The following ZFAND4 variants were observed in gnomAD, a reference collection of about 807,000 sequenced individuals.
ZFAND4 encodes zinc finger AN1-type containing 4.
In ZFAND4, 43 loss-of-function variants were observed where a neutral mutation model predicts 64.4. The observed-to-expected ratio is 0.67, with a 90% CI of 0.52 to 0.86. ZFAND4 has a LOEUF of 0.86. Ranked by LOEUF, ZFAND4 falls within the 40% of genes least tolerant of loss-of-function variation. The pLI is 0.00. For synonymous variants in ZFAND4, 296 were observed against 305.7 expected, an observed-to-expected ratio of 0.97 and a Z score of 0.33; for missense variants, 929 against 859.8, an observed-to-expected ratio of 1.08 and a Z score of -1.01.
Position 45,618,159 on chromosome 10 carries a change from C to T in ZFAND4, c.2029G>A (p.Ala677Thr). The change falls in exon 9 of 10, where the codon GCT becomes ACT. Residue 677 changes from alanine (A) to threonine (T), a missense_variant. Physicochemically the swap from Ala to Thr is moderately conservative, Grantham distance 58. Coordinates refer to ENST00000344646, the MANE Select transcript of ZFAND4 (RefSeq NM_174890.4). ...ACCTGCCTGCATTCGTAGCTACTAG[C>T]CAGTCCTGTTTTCTTTCCACAAAGA... is the stretch of plus-strand genomic sequence containing the variant. Reference protein sequence around the residue: ...CFLCGKKTGLASSYECRCGNN... With the variant: ...CFLCGKKTGLTSSYECRCGNN... 6.2e-7 allele frequency: 1 copy of T among 1,613,102 alleles called. No homozygotes were observed. The highest frequency in any genetic ancestry group is 8.5e-7 in the Non-Finnish European group (1 of 1,179,692).
intron 5 of ZFAND4, chr10:45,640,293 T>G: frequency 1.6e-6 from 2 of 1,238,632 alleles, no homozygotes; most frequent in South Asian, 2.8e-5. Flanking sequence ...TCTGATTTCA[T>G]TTTATCAGCC....
At chr10:45,628,953 C>T (rs1294652728) in intron 6 of ZFAND4, among the ~76,000 whole-genome samples, 1 of 147,286 alleles carries the variant, frequency 6.8e-6, no homozygotes, top group Non-Finnish European at 1.5e-5. Context: ...GAGAGGTTTG[C>T]TGATGGAACA....
intron 9 of ZFAND4, chr10:45,617,907 G>T: frequency 3.6e-6 from 1 of 279,730 alleles, no homozygotes; most frequent in Non-Finnish European, 6.6e-6. Flanking sequence ...CTCTCAGATT[G>T]GTTTAAACCT....
In ZFAND4 at chr10:45,626,287, A is replaced by G. The variant is rs2045815832; in HGVS notation, c.1536T>C (p.Val512=). The change falls in exon 7 of 10, where the codon GTT becomes GTC. Residue 512 remains valine (V), a synonymous_variant. Coordinates refer to ENST00000344646, the MANE Select transcript of ZFAND4 (RefSeq NM_174890.4). The stretch of plus-strand genomic sequence containing the variant: ...AGAAAGAAGAATCAGTTATGTTTTG[A>G]ACATCCAGTGACTGAGAAGAAGAAG... ...LQPSSSQSLD[V]QNITDSSFSR... is the part of the protein sequence containing the mutation. 6.2e-7 allele frequency: 1 copy of G among 1,614,102 alleles called. No individual in the cohort carries two copies. Among genetic ancestry groups the G allele is most frequent in the Non-Finnish European group, 8.5e-7 (1 of 1,180,040 alleles).
At position 45,668,770 on chromosome 10, in the gene ZFAND4, A is replaced by G. The variant is rs138910139; in HGVS notation, c.-118+3480T>C. On this transcript the variant is annotated intron_variant, in intron 1 of 9. Coordinates refer to ENST00000344646, the MANE Select transcript of ZFAND4 (RefSeq NM_174890.4). ...CACTCAAAACTGCACAACTACATGG[A>G]AACTGAACAACCTGCTCCTGAATGA... is the stretch of plus-strand genomic sequence containing the variant. Among the ~76,000 whole-genome samples, 569 of 152,352 alleles carry G rather than the reference A, an allele frequency of 3.7e-3. 12 individuals are homozygous for G. In the East Asian group the frequency reaches 0.051, roughly 14 times the overall value.
At chr10:45,656,364 T>C (rs1440842588) in intron 2 of ZFAND4, among the ~76,000 whole-genome samples, 4 of 139,192 alleles carry the variant, frequency 2.9e-5, no homozygotes, top group Non-Finnish European at 4.7e-5. Flanking sequence ...CTTTGGGAGG[T>C]TGAGGTGGGC....
In ZFAND4 at chr10:45,648,551, G is replaced by A. The variant is rs757303533; in HGVS notation, c.329-17C>T. On this transcript the variant is annotated splice_polypyrimidine_tract_variant and intron_variant, in intron 4 of 9. Coordinates refer to ENST00000344646, the MANE Select transcript of ZFAND4 (RefSeq NM_174890.4). ...CTGTAGGAACTACAAATGGAAAATT[G>A]AAATAAGTCTTCAATTTGGATCAAG... 1 of 1,582,748 alleles carries A rather than the reference G, an allele frequency of 6.3e-7. No homozygotes were observed. Among genetic ancestry groups the A allele is most frequent in the Non-Finnish European group, 8.6e-7 (1 of 1,165,894 alleles).
At chr10:45,634,256 G>A (rs2046404449) in intron 6 of ZFAND4, among the ~76,000 whole-genome samples, 1 of 152,248 alleles carries the variant, frequency 6.6e-6, no homozygotes, top group South Asian at 2.1e-4. Flanking sequence ...CAGGCGCGGT[G>A]GCTCATGCCT....
intron 6 of ZFAND4, among the ~76,000 whole-genome samples, chr10:45,627,742 C>T (rs745452908): frequency 2.6e-5 from 4 of 152,158 alleles, no homozygotes; most frequent in South Asian, 2.1e-4. Context: ...AATGAAGAGG[C>T]CCAGTAAAAT....
In ZFAND4 at chr10:45,626,887, G is replaced by A. The variant is rs751682435; in HGVS notation, c.936C>T (p.Ile312=). 2 of 1,614,194 alleles carry A rather than the reference G, an allele frequency of 1.2e-6. No homozygotes were observed. Among genetic ancestry groups the A allele is most frequent in the South Asian group, 2.2e-5 (2 of 91,080 alleles). Residue 312 remains isoleucine, a synonymous_variant, in exon 7 of 10, where the codon ATC becomes ATT. Coordinates refer to ENST00000344646, the MANE Select transcript of ZFAND4 (RefSeq NM_174890.4). ...QLSAERYISS[I]TGEFLKEDNS... is the part of the protein sequence containing the mutation. The stretch of plus-strand genomic sequence containing the variant: ...TATCTTCCTTAAGAAATTCACCAGT[G>A]ATAGAAGATATGTATCTCTCAGCAG...
chr10:45,628,917 A>G (rs1403668812), intron 6 of ZFAND4, among the ~76,000 whole-genome samples: 3 of 148,050 alleles, frequency 2.0e-5, no homozygotes, highest in African/African-American at 5.0e-5. Flanking sequence ...AAAAAAAAAA[A>G]GGGAAAAAAA....
At chr10:45,654,395 T>A (rs1259511518) in intron 2 of ZFAND4, among the ~76,000 whole-genome samples, 1 of 152,050 alleles carries the variant, frequency 6.6e-6, no homozygotes, top group Non-Finnish European at 1.5e-5. Context: ...CCGAGGCAGG[T>A]GGATCACGAG....
chr10:45,628,926 A>T (rs2046025015), intron 6 of ZFAND4, among the ~76,000 whole-genome samples: 1 of 151,318 alleles, frequency 6.6e-6, no homozygotes, highest in African/African-American at 2.4e-5. Context: ...AAGGGAAAAA[A>T]AATAAAGAAA....
chr10:45,636,417 C>T (rs2046597347), intron 6 of ZFAND4, among the ~76,000 whole-genome samples: 1 of 152,134 alleles, frequency 6.6e-6, no homozygotes, highest in African/African-American at 2.4e-5. Flanking sequence ...AGGTGGATTG[C>T]TTGAGGTCAG....
intron 5 of ZFAND4, chr10:45,640,382 A>G: frequency 7.9e-7 from 1 of 1,266,084 alleles, no homozygotes; most frequent in Non-Finnish European, 1.0e-6. Context: ...TTGGCACGGG[A>G]GAGAAGTACA....
chr10:45,640,256 G>A, intron 5 of ZFAND4: 1 of 1,213,760 alleles, frequency 8.2e-7, no homozygotes, highest in African/African-American at 1.6e-5. Flanking sequence ...CATTCCCAAA[G>A]AGGCAAAATC....
chr10:45,631,426 CT>C (rs1431161889), intron 6 of ZFAND4, among the ~76,000 whole-genome samples: 4 of 150,224 alleles, frequency 2.7e-5, no homozygotes, highest in African/African-American at 7.3e-5. Flanking sequence ...AGACTTGAAT[CT>C]TTATGTTAAA....
intron 8 of ZFAND4, among the ~76,000 whole-genome samples, chr10:45,619,464 A>AGTC (rs2045254521): frequency 6.6e-6 from 1 of 152,188 alleles, no homozygotes. Flanking sequence ...GTAACAGTAC[A>AGTC]AATACACATG....
intron 6 of ZFAND4, among the ~76,000 whole-genome samples, chr10:45,634,992 C>T (rs903573662): frequency 4.3e-4 from 65 of 151,164 alleles, no homozygotes; most frequent in Admixed American, 2.9e-3. Context: ...AAACATTGGA[C>T]GACACAAAAA....
Sources: allele counts gnomAD v4.1 joint callset (sites outside exome capture counted in the v4.1 genomes callset), GRCh38; gene constraint gnomAD v4.1.1; transcripts MANE v1.5; gene names NCBI Gene and HGNC (gene_info 2026-07-23, HGNC 2026-07-21).